LARGE1: variants seen among roughly 807,000 people sequenced by gnomAD.
LARGE1 encodes LARGE xylosyl- and glucuronyltransferase 1, also known as xylosyl- and glucuronyltransferase LARGE1.
Under a neutral mutation model 87.6 loss-of-function variants are expected in LARGE1, and 43 were observed. That is an observed-to-expected ratio of 0.49 (90% confidence interval 0.38 to 0.63). The LOEUF (loss-of-function observed/expected upper bound fraction) is 0.63, where lower values mean the gene tolerates loss of function less well. Among genes scored for constraint, LARGE1 ranks in the 30% least tolerant of loss-of-function variants. The pLI, the probability that LARGE1 is intolerant of heterozygous loss-of-function variation, is 0.00. For missense variants in LARGE1, 802 were observed against 1,000.2 expected (o/e 0.80, Z 2.67); for synonymous variants, 434 against 394.6 (o/e 1.10, Z -1.18).
chr22:33,343,978 G>C (rs143230808), intron 9 of LARGE1, among the ~76,000 whole-genome samples: 2,237 of 152,302 alleles, frequency 0.015, 19 homozygotes, highest in South Asian at 0.017. Flanking sequence ...TTTGAGGGCA[G>C]GAAGCATCCA....
At chr22:33,162,764 C>T (rs759558696) in exon 12 of LARGE1, 5 of 152,116 alleles carry the variant, frequency 3.3e-5, no homozygotes, top group African/African-American at 9.7e-5. Context: ...TTGCACAGCT[C>T]TAACAATTGA....
chr22:33,431,346 G>T (rs760781846), intron 7 of LARGE1, among the ~76,000 whole-genome samples: 17 of 152,014 alleles, frequency 1.1e-4, no homozygotes, highest in Non-Finnish European at 2.2e-4. Context: ...ATGAATGAAG[G>T]ACACCAATAA....
intron 6 of LARGE1, among the ~76,000 whole-genome samples, chr22:33,435,875 T>C (rs1211796854): frequency 1.3e-5 from 2 of 152,166 alleles, no homozygotes; most frequent in East Asian, 3.8e-4. Context: ...AGAACTTTAA[T>C]ATCCATTGGT....
At chr22:33,557,544 A>G (rs1026057866) in intron 6 of LARGE1, among the ~76,000 whole-genome samples, 1 of 152,176 alleles carries the variant, frequency 6.6e-6, no homozygotes, top group Admixed American at 6.5e-5. Flanking sequence ...GAACTTTATC[A>G]ATACTGGGAG....
rs574433306 is a variant in LARGE1, at chr22:33,678,206, T to C, written c.107-27538A>G. 2.0e-5 allele frequency among the ~76,000 whole-genome samples: 3 copies of C among 152,318 alleles called. No individual in the cohort carries two copies. The South Asian group carries it at 6.2e-4, about 32-fold the overall frequency. ...AATCCAGTATGTAAAACTACAATAT[T>C]ATGCATGTGGAAAGGGTTCTTATTT... On this transcript the variant is annotated intron_variant, in intron 2 of 14. Coordinates refer to ENST00000397394, the MANE Select transcript of LARGE1 (RefSeq NM_133642.5).
chr22:33,630,299 C>A (rs939953655), intron 3 of LARGE1, among the ~76,000 whole-genome samples: 2 of 152,198 alleles, frequency 1.3e-5, no homozygotes, highest in Non-Finnish European at 1.5e-5. Flanking sequence ...GGTCCTTGCA[C>A]TAGGCCTTCC....
chr22:33,390,689 G>T (rs1156867522), intron 7 of LARGE1, among the ~76,000 whole-genome samples: 62 of 131,798 alleles, frequency 4.7e-4, no homozygotes, highest in Non-Finnish European at 7.4e-4. Flanking sequence ...TTTGTTGTGT[G>T]TTTTTTTTTT....
intron 11 of LARGE1, among the ~76,000 whole-genome samples, chr22:33,179,395 AAATT>A (rs1194390858): frequency 2.2e-4 from 32 of 148,288 alleles, no homozygotes; most frequent in Admixed American, 1.7e-3. Flanking sequence ...AATCTTTCCC[AAATT>A]AATTAAGGAC....
intron 10 of LARGE1, among the ~76,000 whole-genome samples, chr22:33,323,647 A>G (rs1936957713): frequency 1.3e-5 from 2 of 152,118 alleles, no homozygotes; most frequent in African/African-American, 4.8e-5. Flanking sequence ...AGAAAAACCC[A>G]CTCAAAAAAA....
At chr22:33,440,823 C>T (rs2067439901) in intron 6 of LARGE1, among the ~76,000 whole-genome samples, 1 of 152,140 alleles carries the variant, frequency 6.6e-6, no homozygotes, top group Admixed American at 6.5e-5. Context: ...ACAGCTCCTA[C>T]TTTGCAGTTC....
intron 11 of LARGE1, among the ~76,000 whole-genome samples, chr22:33,310,553 G>A (rs549710741): frequency 1.3e-5 from 2 of 152,202 alleles, no homozygotes; most frequent in Non-Finnish European, 2.9e-5. Context: ...GCGTACGGGA[G>A]TGCGAAGGCC....
At chr22:33,122,239 A>G in the LARGE1 span, among the ~76,000 whole-genome samples, 1 of 151,964 alleles carries the variant, frequency 6.6e-6, no homozygotes, top group Non-Finnish European at 1.5e-5. Flanking sequence ...TTAGGAATTG[A>G]TCTGGAACTG....
At chr22:33,287,476 T>G (rs78969532) in intron 12 of LARGE1, among the ~76,000 whole-genome samples, 11,201 of 152,228 alleles carry the variant, frequency 0.074, 1,359 homozygotes, top group African/African-American at 0.26. Flanking sequence ...TCAGTTCAAG[T>G]AGGTTTCAAT....
chr22:33,641,194 A>T (rs1245817638), intron 3 of LARGE1, among the ~76,000 whole-genome samples: 1 of 152,202 alleles, frequency 6.6e-6, no homozygotes, highest in Non-Finnish European at 1.5e-5. Context: ...CTTCCAGAGG[A>T]AGGAGCAGGC....
chr22:33,853,141 C>T (rs59027659), intron 1 of LARGE1, among the ~76,000 whole-genome samples: 8,034 of 152,066 alleles, frequency 0.053, 691 homozygotes, highest in African/African-American at 0.18. Context: ...TTCAGATATG[C>T]GACAACTGAG....
At chr22:33,576,130 A>C (rs1185069636) in intron 5 of LARGE1, among the ~76,000 whole-genome samples, 1 of 152,200 alleles carries the variant, frequency 6.6e-6, no homozygotes, top group Non-Finnish European at 1.5e-5. Context: ...AGAAGCTGCA[A>C]TTCTTATTAC....
chr22:33,874,191 C>A (rs970849092), intron 1 of LARGE1, among the ~76,000 whole-genome samples: 2 of 152,156 alleles, frequency 1.3e-5, no homozygotes, highest in Admixed American at 6.5e-5. Flanking sequence ...TGACTGAATC[C>A]GGGGACAGGA....
intron 1 of LARGE1, among the ~76,000 whole-genome samples, chr22:33,782,561 C>T (rs1276176975): frequency 6.6e-6 from 1 of 152,120 alleles, no homozygotes; most frequent in Non-Finnish European, 1.5e-5. Flanking sequence ...AGATTAGCTA[C>T]TACCAAAATA....
At chr22:33,554,602 T>A (rs2077622164) in intron 6 of LARGE1, among the ~76,000 whole-genome samples, 1 of 152,118 alleles carries the variant, frequency 6.6e-6, no homozygotes, top group Non-Finnish European at 1.5e-5. Flanking sequence ...AAGGCTAACA[T>A]CCCGCTACGG....
Sources: allele counts gnomAD v4.1 joint callset (sites outside exome capture counted in the v4.1 genomes callset), GRCh38; gene constraint gnomAD v4.1.1; transcripts MANE v1.5; gene names NCBI Gene and HGNC (gene_info 2026-07-23, HGNC 2026-07-21).